Variants in ZSCAN5A observed in about 807,000 individuals in gnomAD.
ZSCAN5A encodes the protein zinc finger and SCAN domain-containing protein 5A.
A neutral mutation model predicts 23.7 loss-of-function variants in ZSCAN5A; 12 were observed. The ratio of observed to expected loss-of-function variants is 0.51; its 90% CI spans 0.32 to 0.82. The LOEUF (loss-of-function observed/expected upper bound fraction) is 0.82, where lower values mean the gene tolerates loss of function less well. Among genes scored for constraint, ZSCAN5A ranks in the 40% least tolerant of loss-of-function variants. The pLI, the probability that ZSCAN5A is intolerant of heterozygous loss-of-function variation, is 0.03. For missense variants in ZSCAN5A, 597 were observed against 617.9 expected (o/e 0.97, Z 0.36); for synonymous variants, 257 against 239.9 (o/e 1.07, Z -0.66).
rs561975551 is a variant in ZSCAN5A, at chr19:56,285,521, G to A, written c.-128+27762C>T. Reference sequence around the variant, plus strand: ...ACTCCCATAATTTAATGAGCCTCTGGTTCATGTACATTTAGTTTTTTTTCT... The same window carrying A: ...ACTCCCATAATTTAATGAGCCTCTGATTCATGTACATTTAGTTTTTTTTCT... On this transcript the variant is annotated intron_variant, in intron 2 of 5. Transcript: ENST00000683990. 2.0e-5 allele frequency among the ~76,000 whole-genome samples: 3 copies of A among 152,174 alleles called. No individual in the cohort carries two copies. In the South Asian group the frequency reaches 6.2e-4, roughly 32 times the overall value.
At chr19:56,302,625 C>T (rs1386254836) in intron 2 of ZSCAN5A, among the ~76,000 whole-genome samples, 3 of 129,224 alleles carry the variant, frequency 2.3e-5, no homozygotes, top group Non-Finnish European at 5.0e-5. Flanking sequence ...CTTCCTCCCT[C>T]CCTCCTCCTC....
chr19:56,343,905 T>C (rs1383643508), intron 2 of ZSCAN5A, among the ~76,000 whole-genome samples: 4 of 152,220 alleles, frequency 2.6e-5, no homozygotes, highest in African/African-American at 9.6e-5. Flanking sequence ...TGTTGAAAAA[T>C]ACCCAAATAA....
chr19:56,335,686 T>G (rs1271921227), intron 2 of ZSCAN5A, among the ~76,000 whole-genome samples: 1 of 137,226 alleles, frequency 7.3e-6, no homozygotes, highest in Non-Finnish European at 1.6e-5. Context: ...GCCTTGATGG[T>G]CTTTACAATT....
intron 2 of ZSCAN5A, among the ~76,000 whole-genome samples, chr19:56,237,846 G>C (rs1281561737): frequency 6.6e-6 from 1 of 150,824 alleles, no homozygotes; most frequent in African/African-American, 2.4e-5. Flanking sequence ...GAGCCCGGGA[G>C]GTGGAGGTTG....
chr19:56,273,428 G>A (rs114266586), intron 2 of ZSCAN5A, among the ~76,000 whole-genome samples: 45 of 152,250 alleles, frequency 3.0e-4, no homozygotes, highest in African/African-American at 1.1e-3. Context: ...TTTATTCCTG[G>A]TTCTTTCCAC....
At chr19:56,265,464 G>C (rs1208479700) in intron 2 of ZSCAN5A, among the ~76,000 whole-genome samples, 1 of 151,368 alleles carries the variant, frequency 6.6e-6, no homozygotes, top group Non-Finnish European at 1.5e-5. Context: ...CTTTCTCTTT[G>C]AGAGATCCAA....
intron 2 of ZSCAN5A, among the ~76,000 whole-genome samples, chr19:56,227,130 T>G (rs998911848): frequency 1.3e-5 from 2 of 152,128 alleles, no homozygotes; most frequent in African/African-American, 4.8e-5. Flanking sequence ...TAACAATGTA[T>G]TGTATACTTG....
At position 56,232,220 on chromosome 19, in the gene ZSCAN5A, C is replaced by T. The variant is rs538254934; in HGVS notation, c.-127-7047G>A. On this transcript the variant is annotated intron_variant, in intron 2 of 5. Transcript: ENST00000683990. Reference sequence around the variant, plus strand: ...TGAACTCCTGGGCTCAAGCAATCCACCTGCTTTTGCCTCCCAAAGTGCTGA... The same window carrying T: ...TGAACTCCTGGGCTCAAGCAATCCATCTGCTTTTGCCTCCCAAAGTGCTGA... Among the ~76,000 whole-genome samples the T allele has an allele frequency of 8.5e-5, 13 of 152,152 alleles. No homozygotes were observed. The East Asian group carries it at 2.5e-3, about 29-fold the overall frequency.
Position 56,224,965 on chromosome 19 carries a change from A to G in ZSCAN5A, c.82T>C (p.Ser28Pro). 6.2e-7 allele frequency: 1 copy of G among 1,614,220 alleles called. No individual in the cohort carries two copies. Among genetic ancestry groups the G allele is most frequent in the Non-Finnish European group, 8.5e-7 (1 of 1,180,042 alleles). The change falls in exon 3 of 6, where the codon TCC becomes CCC. Residue 28 changes from serine to proline, a missense_variant. Physicochemically the swap from Ser to Pro is moderately conservative, Grantham distance 74 (BLOSUM62 -1). Transcript: ENST00000683990. ...PGLELPRSMA[S>P]SETQLGNHDV... ...TGATTTCCAAGTTGAGTTTCTGAGG[A>G]TGCCATAGACCGTGGCAGCTCCAAC...
At chr19:56,270,693 A>G (rs1347140640) in intron 2 of ZSCAN5A, among the ~76,000 whole-genome samples, 1 of 151,696 alleles carries the variant, frequency 6.6e-6, no homozygotes, top group Non-Finnish European at 1.5e-5. Context: ...TATAATAAAA[A>G]TAGAGTAATA....
intron 2 of ZSCAN5A, chr19:56,263,577 T>G (rs2037265144): frequency 6.6e-6 from 1 of 152,172 alleles, no homozygotes; most frequent in South Asian, 2.1e-4. Context: ...CCAGAAAAAC[T>G]GCAACTCTAG....
chr19:56,308,621 C>A (rs1376884507), intron 2 of ZSCAN5A, among the ~76,000 whole-genome samples: 1 of 151,348 alleles, frequency 6.6e-6, no homozygotes, highest in Non-Finnish European at 1.5e-5. Flanking sequence ...ACCACGCCCC[C>A]CCATATTAAA....
At chr19:56,235,390 T>C (rs867442568) in intron 2 of ZSCAN5A, among the ~76,000 whole-genome samples, 6 of 10,004 alleles carry the variant, frequency 6.0e-4, no homozygotes, top group South Asian at 5.3e-3. Flanking sequence ...GTGGGCCAAG[T>C]CTCCACTCCA....
intron 2 of ZSCAN5A, among the ~76,000 whole-genome samples, chr19:56,269,324 ATAAT>A (rs1484732893): frequency 6.6e-6 from 1 of 152,238 alleles, no homozygotes; most frequent in African/African-American, 2.4e-5. Flanking sequence ...TAATAATATA[ATAAT>A]TAATGATAAT....
At position 56,245,226 on chromosome 19, in the gene ZSCAN5A, T is replaced by C. The variant is rs767672632; in HGVS notation, c.-127-20053A>G. 1.1e-4 allele frequency: 66 copies of C among 614,602 alleles called. No individual in the cohort carries two copies. The South Asian group carries it at 1.1e-3, about 10-fold the overall frequency. 38.1% of individuals were successfully genotyped at this position (614,602 alleles called of 1,614,324 possible). On this transcript the variant is annotated intron_variant, in intron 2 of 5. Coordinates refer to ENST00000683990, the MANE Select transcript of ZSCAN5A (RefSeq NM_001322064.3). ...TTGTCTTTTTTCTCTCTACAGTCTG[T>C]GGTCAATTTTCTTGGCAAGGAATAT...
chr19:56,321,719 G>A lies in ZSCAN5A; in HGVS notation c.-357-5451C>T, dbSNP rs1323797997. ...CATTGGGAAATGTTCAAGGGCTCTTGATTTGCTGAGGACATAACTGCTTTT... is the reference window on the plus strand; with the variant it reads ...CATTGGGAAATGTTCAAGGGCTCTTAATTTGCTGAGGACATAACTGCTTTT... On this transcript the variant is annotated intron_variant, in intron 2 of 6. Coordinates refer to the ZSCAN5A transcript ENST00000587340. 3.5e-6 allele frequency: 5 copies of A among 1,411,712 alleles called. No individual in the cohort carries two copies. In the East Asian group the frequency reaches 1.1e-4, roughly 32 times the overall value. The allele number at this position is 1,411,712 out of a possible 1,614,324, so 87.4% of individuals were successfully genotyped here. A position where few individuals can be genotyped will look rare whatever the true frequency, so the allele number is the denominator to read the frequency against.
intron 2 of ZSCAN5A, among the ~76,000 whole-genome samples, chr19:56,330,009 A>T (rs1428954538): frequency 6.6e-6 from 1 of 152,126 alleles, no homozygotes; most frequent in African/African-American, 2.4e-5. Context: ...GGTACTCCCC[A>T]GTGTCTACTG....
intron 2 of ZSCAN5A, among the ~76,000 whole-genome samples, chr19:56,288,718 G>T (rs1397481243): frequency 6.6e-6 from 1 of 152,090 alleles, no homozygotes; most frequent in Non-Finnish European, 1.5e-5. Flanking sequence ...GAGTGAATTG[G>T]GTTGCCTCAT....
At position 56,222,318 on chromosome 19, in the gene ZSCAN5A, C is replaced by T. The variant is rs200579325; in HGVS notation, c.748G>A (p.Val250Met). 24 of 1,610,974 alleles carry T rather than the reference C, an allele frequency of 1.5e-5. 1 individual carries two copies. In the African/African-American group the frequency reaches 2.8e-4, roughly 19 times the overall value. The change falls in exon 6 of 6, where the codon GTG becomes ATG. Residue 250 changes from valine to methionine, a missense_variant. By Grantham distance (21) the Val-to-Met change is conservative. Around this residue, in one of 5 missense-constraint regions of ZSCAN5A, gnomAD observed 406 missense variants for 353.2 expected, o/e 1.15. Coordinates refer to ENST00000683990, the MANE Select transcript of ZSCAN5A (RefSeq NM_001322064.3). The stretch of plus-strand genomic sequence containing the variant: ...GGGTCCTTCCCCTCCTTTGCTCTCA[C>T]CAGATCTGCTGGAAGAAGGGATTCC... ...PQLPKSPTDL[V>M]RAKEGKDPPK...
Sources: allele counts gnomAD v4.1 joint callset (sites outside exome capture counted in the v4.1 genomes callset), GRCh38; gene constraint gnomAD v4.1.1; regional missense constraint gnomAD v4.1.1; transcripts MANE v1.5; gene names NCBI Gene and HGNC (gene_info 2026-07-23, HGNC 2026-07-21).